SH3YL1: variants seen among roughly 807,000 people sequenced by gnomAD.
SH3YL1 encodes SH3 domain-containing YSC84-like protein 1.
SH3YL1 carries 41 observed loss-of-function variants against 45.8 expected under a neutral mutation model. The ratio of observed to expected loss-of-function variants is 0.89; its 90% confidence interval spans 0.70 to 1.16. The LOEUF (loss-of-function observed/expected upper bound fraction) is 1.16. Ranked by LOEUF, SH3YL1 falls within the 50% of genes most tolerant of loss-of-function variation. The probability of loss-of-function intolerance (pLI) is 0.00; values close to 1 mark genes in which losing one functional copy is unlikely to be tolerated. For missense variants in SH3YL1, 389 were observed against 409.6 expected (o/e 0.95, Z 0.43); for synonymous variants, 152 against 151.4 (o/e 1.00, Z -0.03).
At chr2:254,417 A>G (rs905104630) in intron 1 of SH3YL1, among the ~76,000 whole-genome samples, 4 of 152,208 alleles carry the variant, frequency 2.6e-5, no homozygotes, top group Non-Finnish European at 4.4e-5. Context: ...GCTTCAGTGT[A>G]GGACCACAAG....
At chr2:245,241 T>C (rs1017605576) in intron 4 of SH3YL1, among the ~76,000 whole-genome samples, 3 of 152,186 alleles carry the variant, frequency 2.0e-5, no homozygotes, top group Non-Finnish European at 2.9e-5. Context: ...AGTCAGATCA[T>C]GGTTAAGAAG....
chr2:219,252 C>T (rs1347292664), intron 9 of SH3YL1, among the ~76,000 whole-genome samples: 3 of 152,160 alleles, frequency 2.0e-5, no homozygotes, highest in African/African-American at 7.2e-5. Context: ...TGAGATAATA[C>T]AACTTACATT....
chr2:251,041 T>G (rs1300153869), intron 2 of SH3YL1, among the ~76,000 whole-genome samples: 1 of 152,234 alleles, frequency 6.6e-6, no homozygotes, highest in East Asian at 1.9e-4. Context: ...CTAGAGTTGC[T>G]ATTGCCCCTA....
intron 2 of SH3YL1, among the ~76,000 whole-genome samples, chr2:251,618 A>AGT (rs915772489): frequency 6.6e-6 from 1 of 152,074 alleles, no homozygotes; most frequent in Non-Finnish European, 1.5e-5. Context: ...TTCTGAAACT[A>AGT]GTGTGTGTGT....
intron 1 of SH3YL1, among the ~76,000 whole-genome samples, chr2:255,108 G>C (rs1167350683): frequency 6.6e-6 from 1 of 152,182 alleles, no homozygotes; most frequent in Non-Finnish European, 1.5e-5. Flanking sequence ...GTCATGGGCT[G>C]TCCTTAACCT....
At chr2:243,416 CTCTT>C in intron 4 of SH3YL1, 1 of 1,324,376 alleles carries the variant, frequency 7.6e-7, no homozygotes, top group South Asian at 1.6e-5. Flanking sequence ...AAGCAACACA[CTCTT>C]AAATAACAAA....
intron 4 of SH3YL1, among the ~76,000 whole-genome samples, chr2:245,983 G>A (rs1412533562): frequency 6.6e-6 from 1 of 152,132 alleles, no homozygotes; most frequent in Non-Finnish European, 1.5e-5. Flanking sequence ...ATCACCTGAG[G>A]TCAGGAGTTT....
intron 6 of SH3YL1, 47 bp from the exon 7 acceptor site, chr2:231,238 T>C (rs1668028978): frequency 1.4e-6 from 2 of 1,435,904 alleles, no homozygotes; most frequent in East Asian, 5.0e-5. Context: ...ACACAAATCT[T>C]TTCTAGAGTT....
At chr2:229,706 G>T (rs1475078299) in intron 8 of SH3YL1, among the ~76,000 whole-genome samples, 1 of 140,280 alleles carries the variant, frequency 7.1e-6, no homozygotes, top group Non-Finnish European at 1.5e-5. Context: ...TCCAGCCTGG[G>T]CGACAGAGCG....
chr2:239,902 T>C lies in SH3YL1; in HGVS notation c.292-5630A>G, dbSNP rs185822420. On this transcript the variant is annotated intron_variant, in intron 4 of 9. Coordinates refer to ENST00000356150, the MANE Select transcript of SH3YL1 (RefSeq NM_015677.4). ...GTAAGGAAGAGAGAGTTGGTGACAT[T>C]TGAGCTATAACCTGTGCCCCGCTGC... 6 of 152,360 alleles carry C rather than the reference T, an allele frequency of 3.9e-5. No homozygotes were observed. In the East Asian group the frequency reaches 1.2e-3, roughly 29 times the overall value. 9.4% of individuals were successfully genotyped at this position (152,360 alleles called of 1,614,324 possible).
rs1220833446 is a variant in SH3YL1 at position 219,008 on chromosome 2, C to A, written c.839-7G>T. 6 of 1,595,176 alleles carry A rather than the reference C, an allele frequency of 3.8e-6. No homozygotes were observed. Among genetic ancestry groups the A allele is most frequent in the Admixed American group, 3.5e-5 (2 of 56,642 alleles). ...ATGGGTTGATTCAAATTGCCTGAAA[C>A]AAGAAAAAAGTATTCACGTTTATGT... On this transcript the variant is annotated splice_region_variant and splice_polypyrimidine_tract_variant and intron_variant, in intron 9 of 9. Coordinates refer to ENST00000356150, the MANE Select transcript of SH3YL1 (RefSeq NM_015677.4).
chr2:229,430 T>C lies in SH3YL1; in HGVS notation c.781+536A>G, dbSNP rs528056975. Among the ~76,000 whole-genome samples, 126 of 152,306 alleles carry C rather than the reference T, an allele frequency of 8.3e-4. 1 individual carries two copies. The highest frequency in any genetic ancestry group is 2.9e-3 in the South Asian group (14 of 4,828). ...TTTGAAGATAAATATCTTTGTAGATTTAAGAAAGTGTCTTATGGGCCGGGC... is the reference window on the plus strand; with the variant it reads ...TTTGAAGATAAATATCTTTGTAGATCTAAGAAAGTGTCTTATGGGCCGGGC... On this transcript the variant is annotated intron_variant, in intron 8 of 9. Transcript: ENST00000356150.
chr2:230,882 T>G, intron 7 of SH3YL1, 141 bp downstream of exon 7: 1 of 762,480 alleles, frequency 1.3e-6, no homozygotes, highest in East Asian at 2.5e-5. Context: ...CAAGGTAGCA[T>G]GACCTTTTCA....
chr2:226,524 C>T (rs955589502), intron 8 of SH3YL1, among the ~76,000 whole-genome samples: 9 of 152,302 alleles, frequency 5.9e-5, no homozygotes, highest in African/African-American at 2.2e-4. Flanking sequence ...CTTCTAGATG[C>T]TTCCGCACTA....
chr2:227,353 A>C (rs1421556273), intron 8 of SH3YL1, among the ~76,000 whole-genome samples: 3 of 152,328 alleles, frequency 2.0e-5, no homozygotes, highest in South Asian at 4.1e-4. Flanking sequence ...GTATATATAA[A>C]TATTAATTTA....
At chr2:220,639 G>A (rs373701587) in intron 9 of SH3YL1, among the ~76,000 whole-genome samples, 2 of 152,220 alleles carry the variant, frequency 1.3e-5, no homozygotes, top group South Asian at 4.1e-4. Context: ...GTGGGGTACC[G>A]GGCAGGCGCT....
chr2:247,451 G>A (rs566145322), intron 4 of SH3YL1, 87 bp downstream of exon 4: 19 of 1,049,414 alleles, frequency 1.8e-5, no homozygotes, highest in East Asian at 5.4e-5. Flanking sequence ...CAATAAGAAC[G>A]CTAGGAAACC....
In SH3YL1 at chr2:233,183, T is replaced by G. The variant is rs1668126350; in HGVS notation, c.451A>C (p.Thr151Pro). 6.3e-7 allele frequency: 1 copy of G among 1,595,758 alleles called. No homozygotes were observed. Residue 151 changes from threonine to proline, a missense_variant, in exon 6 of 10, where the codon ACG becomes CCG. Coordinates refer to ENST00000356150, the MANE Select transcript of SH3YL1 (RefSeq NM_015677.4). Reference protein sequence around the residue: ...VALRSSAAVFTYCKSRGLFAG... With the variant: ...VALRSSAAVFPYCKSRGLFAG... ...AAGAGTCCCCTTGACTTGCAGTACGTGAAGACGGCAGCGGAGCTTCTCAGG... is the reference window on the plus strand; with the variant it reads ...AAGAGTCCCCTTGACTTGCAGTACGGGAAGACGGCAGCGGAGCTTCTCAGG...
chr2:224,794 GA>G, intron 9 of SH3YL1, 69 bp downstream of exon 9: 1 of 1,127,202 alleles, frequency 8.9e-7, no homozygotes, highest in Admixed American at 1.8e-5. Context: ...TAACCTGTCA[GA>G]TTAATTAGGA....
Sources: allele counts gnomAD v4.1 joint callset (sites outside exome capture counted in the v4.1 genomes callset), GRCh38; gene constraint gnomAD v4.1.1; transcripts MANE v1.5; gene names NCBI Gene and HGNC (gene_info 2026-07-23, HGNC 2026-07-21).